RAI14: variants seen among roughly 807,000 people sequenced by gnomAD.
The protein encoded by RAI14 is ankycorbin.
RAI14 carries 45 observed loss-of-function variants against 115.4 expected under a neutral mutation model. That is an observed-to-expected ratio of 0.39 (90% CI 0.31 to 0.50). The LOEUF (loss-of-function observed/expected upper bound fraction) is 0.50. RAI14 is among the 20% of genes least tolerant of loss of function. The probability of loss-of-function intolerance (pLI) is 0.85; values close to 1 mark genes in which losing one functional copy is unlikely to be tolerated. For synonymous variants in RAI14, 371 were observed against 415.4 expected (o/e 0.89, Z 1.30); for missense variants, 939 against 1,131.2 (o/e 0.83, Z 2.44).
At chr5:34,815,858 C>T (rs926489759) in intron 12 of RAI14, among the ~76,000 whole-genome samples, 17 of 152,164 alleles carry the variant, frequency 1.1e-4, no homozygotes, top group African/African-American at 3.9e-4. Flanking sequence ...GGCCTTTTCA[C>T]ATTATGTACG....
Position 34,827,355 on chromosome 5 carries a change from C to T in RAI14, c.2799+876C>T, listed in dbSNP as rs1757554870. 6.6e-6 allele frequency among the ~76,000 whole-genome samples: 1 copy of T among 152,104 alleles called. No individual in the cohort carries two copies. The highest frequency in any genetic ancestry group is 2.4e-5 in the African/African-American group (1 of 41,418). ...CTTTTGCCATATAAAGTTTAACATTCACAGGTTCTGGGGATTAGGATGTGG... is the reference window on the plus strand; with the variant it reads ...CTTTTGCCATATAAAGTTTAACATTTACAGGTTCTGGGGATTAGGATGTGG... On this transcript the variant is annotated intron_variant, in intron 16 of 17. Coordinates refer to ENST00000265109, the MANE Select transcript of RAI14 (RefSeq NM_015577.3). This position sits in a 1 kb window ranked among gnomAD's most constrained non-coding sequence, Gnocchi z 4.2.
chr5:34,762,929 ATG>A (rs34495404), intron 3 of RAI14, among the ~76,000 whole-genome samples: 35,627 of 128,412 alleles, frequency 0.28, 3,804 homozygotes, highest in South Asian at 0.34. Context: ...GAGTGTGTGC[ATG>A]TGTGTGTGTG....
chr5:34,830,626 GA>G (rs1472759698), intron 17 of RAI14, 61 bp from the exon 18 acceptor site: 48 of 1,609,248 alleles, frequency 3.0e-5, no homozygotes, highest in Middle Eastern at 3.3e-4. Context: ...TCATTCCCCA[GA>G]GAAGAAAGTG....
intron 17 of RAI14, among the ~76,000 whole-genome samples, chr5:34,830,147 G>A (rs1237166043): frequency 6.6e-6 from 1 of 152,034 alleles, no homozygotes; most frequent in Non-Finnish European, 1.5e-5. Context: ...ACCGTACCTG[G>A]CAAATTTTTG....
intron 6 of RAI14, among the ~76,000 whole-genome samples, chr5:34,808,194 A>G (rs1755149803): frequency 6.6e-6 from 1 of 152,278 alleles, no homozygotes; most frequent in Non-Finnish European, 1.5e-5. Context: ...GATTATTATG[A>G]ACATCAGTCA....
intron 2 of RAI14, among the ~76,000 whole-genome samples, chr5:34,720,578 T>C (rs1480160915): frequency 2.0e-5 from 3 of 151,646 alleles, no homozygotes; most frequent in African/African-American, 4.8e-5. Context: ...GCCCAGCTAA[T>C]TTTTTGTATT....
intron 5 of RAI14, among the ~76,000 whole-genome samples, chr5:34,806,582 G>A (rs570383925): frequency 6.6e-6 from 1 of 152,068 alleles, no homozygotes; most frequent in East Asian, 1.9e-4. Context: ...GGGCATGGTG[G>A]TCCACTACAT....
At chr5:34,822,250 G>GTGTATATATA (rs1554012472) in intron 14 of RAI14, among the ~76,000 whole-genome samples, 4 of 134,732 alleles carry the variant, frequency 3.0e-5, no homozygotes, top group African/African-American at 8.4e-5. Flanking sequence ...ATGTGTGTAT[G>GTGTATATATA]TATATATATA....
At chr5:34,768,392 G>A (rs896266418) in intron 3 of RAI14, among the ~76,000 whole-genome samples, 2 of 152,182 alleles carry the variant, frequency 1.3e-5, no homozygotes, top group African/African-American at 4.8e-5. Flanking sequence ...CAAAAACCGT[G>A]TCATTCATTC....
At chr5:34,723,852 G>A (rs115219713) in intron 2 of RAI14, among the ~76,000 whole-genome samples, 23,325 of 152,006 alleles carry the variant, frequency 0.15, 2,184 homozygotes, top group Non-Finnish European at 0.19. Flanking sequence ...TAAGCATTAC[G>A]TGTGATATAG....
rs1305452962 is a variant in RAI14 at position 34,827,873 on chromosome 5, C to T, written c.2799+1394C>T. On this transcript the variant is annotated intron_variant, in intron 16 of 17. Coordinates refer to ENST00000265109, the MANE Select transcript of RAI14 (RefSeq NM_015577.3). The surrounding 1 kb of genome is among the most constrained non-coding windows in gnomAD (Gnocchi z 4.2). The stretch of plus-strand genomic sequence containing the variant: ...GTTTATACTCTATATAAGTTATCAG[C>T]AAAGAGATGCCCAGCATACCGTGGG... Among the ~76,000 whole-genome samples, 1 of 152,162 alleles carries T rather than the reference C, an allele frequency of 6.6e-6. No individual in the cohort carries two copies. Among genetic ancestry groups the T allele is most frequent in the Non-Finnish European group, 1.5e-5 (1 of 68,040 alleles).
Position 34,688,426 on chromosome 5 carries a change from G to T in RAI14, c.36+1471G>T. 4 of 522,026 alleles carry T rather than the reference G, an allele frequency of 7.7e-6. No individual in the cohort carries two copies. In the South Asian group the frequency reaches 1.2e-4, roughly 16 times the overall value. 32.3% of individuals were successfully genotyped at this position (522,026 alleles called of 1,614,324 possible). The stretch of plus-strand genomic sequence containing the variant: ...GACTTCCATATATATATGAACAGGG[G>T]CCCAGAGGAATGATAGGCACATAAA... On this transcript the variant is annotated intron_variant, in intron 2 of 17. Coordinates refer to ENST00000265109, the MANE Select transcript of RAI14 (RefSeq NM_015577.3).
At chr5:34,730,357 G>A (rs1170779764) in intron 2 of RAI14, among the ~76,000 whole-genome samples, 1 of 152,070 alleles carries the variant, frequency 6.6e-6, no homozygotes, top group East Asian at 1.9e-4. Flanking sequence ...AAACTTTATG[G>A]AATTTTATGT....
chr5:34,799,737 A>G lies in RAI14; in HGVS notation c.256+3710A>G, dbSNP rs1181376768. 3.7e-5 allele frequency among the ~76,000 whole-genome samples: 5 copies of G among 136,650 alleles called. No homozygotes were observed. The East Asian group carries it at 8.6e-4, about 23-fold the overall frequency. 89.6% of individuals were successfully genotyped at this position (136,650 alleles called of 152,430 possible). A position where few individuals can be genotyped will look rare whatever the true frequency, so the allele number is the denominator to read the frequency against. ...CGGAGTCTCACTGTCTCCCAGGCTG[A>G]AGTGCAGTGGCACGATCTCGGCTCA... On this transcript the variant is annotated intron_variant, in intron 4 of 17. Transcript: ENST00000265109.
intron 3 of RAI14, among the ~76,000 whole-genome samples, chr5:34,782,762 T>C (rs1751823913): frequency 6.6e-6 from 1 of 152,098 alleles, no homozygotes; most frequent in South Asian, 2.1e-4. Flanking sequence ...ATTTCTACCA[T>C]CTGACCATTT....
intron 3 of RAI14, among the ~76,000 whole-genome samples, chr5:34,787,211 G>A (rs1441828663): frequency 1.3e-5 from 2 of 152,106 alleles, no homozygotes; most frequent in Non-Finnish European, 2.9e-5. Flanking sequence ...CAGATTTGGG[G>A]GCCTGTTCCC....
At chr5:34,818,736 G>T in intron 12 of RAI14, 61 bp from the exon 13 acceptor site, 1 of 1,429,288 alleles carries the variant, frequency 7.0e-7, no homozygotes, top group South Asian at 1.2e-5. Flanking sequence ...AAGTCTGCTT[G>T]ATTCTTTTGT....
chr5:34,752,305 G>A (rs1026733701), intron 2 of RAI14, among the ~76,000 whole-genome samples: 3 of 152,264 alleles, frequency 2.0e-5, no homozygotes, highest in South Asian at 2.1e-4. Context: ...TTGCTAAGTC[G>A]AGAGTGATTT....
chr5:34,751,198 C>T lies in RAI14; in HGVS notation c.37-6270C>T, dbSNP rs1276408333. ...ATTTGAGATGGAGTCTCCCTCTTGTCGCCCAGGCTGGAGTGCTTACTGCAA... is the reference window on the plus strand; with the variant it reads ...ATTTGAGATGGAGTCTCCCTCTTGTTGCCCAGGCTGGAGTGCTTACTGCAA... On this transcript the variant is annotated intron_variant, in intron 2 of 17. Transcript: ENST00000265109. Among the ~76,000 whole-genome samples the T allele has an allele frequency of 2.0e-4, 29 of 145,172 alleles. No homozygotes were observed. In the East Asian group the frequency reaches 2.0e-3, roughly 10 times the overall value.
Sources: gnomAD v4.1 joint callset for allele counts (sites outside exome capture counted in the v4.1 genomes callset) on GRCh38, gnomAD v4.1.1 for gene constraint, Gnocchi (gnomAD v3.1) non-coding constraint, MANE v1.5 for transcripts, NCBI Gene and HGNC (gene_info 2026-07-23, HGNC 2026-07-21) for gene names.